Variants in SLC20A2 observed in about 807,000 individuals in gnomAD.
SLC20A2 encodes the protein solute carrier family 20 member 2, also known as sodium-dependent phosphate transporter 2.
A neutral mutation model predicts 61.0 loss-of-function variants in SLC20A2; 30 were observed. The observed-to-expected ratio is 0.49, with a 90% CI of 0.37 to 0.67. The LOEUF (loss-of-function observed/expected upper bound fraction) is 0.67, where lower values mean the gene tolerates loss of function less well. SLC20A2 is among the 30% of genes least tolerant of loss of function. SLC20A2 has a pLI of 0.00. For synonymous variants in SLC20A2, 351 were observed against 353.3 expected, an observed-to-expected ratio of 0.99 and a Z score of 0.07; for missense variants, 626 against 866.4, an observed-to-expected ratio of 0.72 and a Z score of 3.48.
At chr8:42,497,714 GTT>G (rs35618027) in intron 1 of SLC20A2, among the ~76,000 whole-genome samples, 7 of 135,522 alleles carry the variant, frequency 5.2e-5, no homozygotes, top group Admixed American at 7.4e-5. Context: ...CCCTCAATTG[GTT>G]TTTTTTTTTT....
chr8:42,437,572 C>T lies in SLC20A2; in HGVS notation c.940G>A (p.Ala314Thr). 2 of 1,589,064 alleles carry T rather than the reference C, an allele frequency of 1.3e-6. No homozygotes were observed. Among genetic ancestry groups the T allele is most frequent in the African/African-American group, 1.4e-5 (1 of 73,536 alleles). Reference sequence around the variant, plus strand: ...ACAGAGCCATGGGTCATGGACAGTGCTCTTCCTGAAAAGGGTTAGAGAAGG... The same window carrying T: ...ACAGAGCCATGGGTCATGGACAGTGTTCTTCCTGAAAAGGGTTAGAGAAGG... The part of the protein sequence containing the change: ...GSHPRAAYGR[A>T]LSMTHGSVKS... The change falls in exon 8 of 11, where the codon GCA (alanine) becomes ACA (threonine). Residue 314 changes from alanine to threonine, a missense_variant. Physicochemically the swap from Ala to Thr is moderately conservative, Grantham distance 58 (BLOSUM62 0). Transcript: ENST00000520262. The surrounding 1 kb of genome is among the most constrained non-coding windows in gnomAD (Gnocchi z 6.4).
At position 42,430,397 on chromosome 8, in the gene SLC20A2, C is replaced by T. The variant is rs561501114; in HGVS notation, c.1524-148G>A. 9 of 729,392 alleles carry T rather than the reference C, an allele frequency of 1.2e-5. No homozygotes were observed. In the South Asian group the frequency reaches 1.6e-4, roughly 13 times the overall value. 45.2% of individuals were successfully genotyped at this position (729,392 alleles called of 1,614,324 possible). ...TTTTTTTTTGAGACAGAGTCTTGCT[C>T]TGTTGCCCAGGCTTGAGTGCAGTGG... On this transcript the variant is annotated intron_variant, in intron 8 of 10. Transcript: ENST00000520262.
At chr8:42,427,784 A>G (rs1803524643) in intron 10 of SLC20A2, among the ~76,000 whole-genome samples, 1 of 152,200 alleles carries the variant, frequency 6.6e-6, no homozygotes. Flanking sequence ...TCTTTTAAAC[A>G]TACTGGCTGG....
intron 8 of SLC20A2, among the ~76,000 whole-genome samples, chr8:42,436,579 T>C (rs952123949): frequency 6.6e-5 from 10 of 152,276 alleles, no homozygotes; most frequent in Middle Eastern, 3.4e-3. Context: ...CCTTCCTTCC[T>C]GTGTCCATCG....
intron 1 of SLC20A2, among the ~76,000 whole-genome samples, chr8:42,494,827 T>C (rs1409588430): frequency 6.6e-6 from 1 of 152,104 alleles, no homozygotes; most frequent in Non-Finnish European, 1.5e-5. Flanking sequence ...GAGACAAAGT[T>C]TATTCCAAAC....
chr8:42,519,800 C>A (rs1163686130), intron 1 of SLC20A2, among the ~76,000 whole-genome samples: 4 of 152,052 alleles, frequency 2.6e-5, no homozygotes, highest in African/African-American at 7.2e-5. Flanking sequence ...AGTTAGAAGC[C>A]CCTCACATGT....
At chr8:42,506,989 T>G (rs1810749281) in intron 1 of SLC20A2, among the ~76,000 whole-genome samples, 1 of 152,150 alleles carries the variant, frequency 6.6e-6, no homozygotes, top group East Asian at 1.9e-4. Flanking sequence ...GGAGTGGGGA[T>G]GCACCATCAC....
chr8:42,495,462 A>G (rs1305993828), intron 1 of SLC20A2, among the ~76,000 whole-genome samples: 3 of 152,210 alleles, frequency 2.0e-5, no homozygotes, highest in Non-Finnish European at 2.9e-5. Flanking sequence ...CGTCGATCTT[A>G]TCTCTGTACA....
intron 10 of SLC20A2, among the ~76,000 whole-genome samples, chr8:42,422,606 A>T (rs567339985): frequency 6.6e-6 from 1 of 152,214 alleles, no homozygotes; most frequent in East Asian, 1.9e-4. Context: ...TCCTCTAGTC[A>T]GCAGTATCCT....
intron 1 of SLC20A2, among the ~76,000 whole-genome samples, chr8:42,511,236 AATTTTCCAAG>A (rs1375991245): frequency 1.3e-5 from 2 of 152,186 alleles, no homozygotes; most frequent in East Asian, 3.9e-4. Flanking sequence ...ACTTGATACC[AATTTTCCAAG>A]AGACGTGGAA....
chr8:42,529,183 G>C (rs1293826645), intron 1 of SLC20A2, among the ~76,000 whole-genome samples: 3 of 151,976 alleles, frequency 2.0e-5, no homozygotes, highest in Admixed American at 2.0e-4. Flanking sequence ...TAACTAGGCT[G>C]CTCTTGAACT....
chr8:42,508,679 C>T (rs1810864089), intron 1 of SLC20A2, among the ~76,000 whole-genome samples: 1 of 152,192 alleles, frequency 6.6e-6, no homozygotes, highest in African/African-American at 2.4e-5. Context: ...GCGTGAGCCA[C>T]CACACCCGGC....
chr8:42,460,038 G>T, intron 4 of SLC20A2, 46 bp from the exon 5 acceptor site: 1 of 1,071,042 alleles, frequency 9.3e-7, no homozygotes, highest in Non-Finnish European at 1.4e-6. Flanking sequence ...GATCCCAGCA[G>T]CATTTGGAGC....
chr8:42,499,389 CCTT>C (rs1554571139), intron 1 of SLC20A2, among the ~76,000 whole-genome samples: 1 of 152,162 alleles, frequency 6.6e-6, no homozygotes, highest in Non-Finnish European at 1.5e-5. Flanking sequence ...ATAATGAAAA[CCTT>C]CTCCGCTCTC....
intron 1 of SLC20A2, chr8:42,541,519 A>AG (rs1441256528): frequency 2.1e-5 from 1 of 48,770 alleles, no homozygotes; most frequent in East Asian, 6.8e-4. Flanking sequence ...AGGGGAAAGG[A>AG]AAAAAAAAAA....
At chr8:42,471,433 C>CTT (rs1362245340) in intron 2 of SLC20A2, among the ~76,000 whole-genome samples, 1 of 152,160 alleles carries the variant, frequency 6.6e-6, no homozygotes, top group Admixed American at 6.5e-5. Context: ...AAAGGTCATG[C>CTT]TATCACCAGG....
chr8:42,540,487 T>C (rs1379265656), intron 1 of SLC20A2, among the ~76,000 whole-genome samples: 1 of 152,202 alleles, frequency 6.6e-6, no homozygotes, highest in African/African-American at 2.4e-5. Context: ...CTAAATGTTA[T>C]AGAATTATAT....
In SLC20A2 at chr8:42,522,419, G is replaced by A. The variant is rs1435117005; in HGVS notation, c.-265+19402C>T. Among the ~76,000 whole-genome samples the A allele has an allele frequency of 2.5e-5, 3 of 121,818 alleles. 1 individual carries two copies. The highest frequency in any genetic ancestry group is 4.0e-5 in the Non-Finnish European group (2 of 50,502). 79.9% of individuals were successfully genotyped at this position (121,818 alleles called of 152,430 possible). A position where few individuals can be genotyped will look rare whatever the true frequency, so the allele number is the denominator to read the frequency against. On this transcript the variant is annotated intron_variant, in intron 1 of 10. Transcript: ENST00000342228. ...CTACTGGCCAGGCATGGTGGCTCACGCCTGTAATCCTACCACTTTGGGGGG... is the reference window on the plus strand; with the variant it reads ...CTACTGGCCAGGCATGGTGGCTCACACCTGTAATCCTACCACTTTGGGGGG...
At chr8:42,460,693 C>T (rs1037049557) in intron 4 of SLC20A2, among the ~76,000 whole-genome samples, 3 of 152,136 alleles carry the variant, frequency 2.0e-5, no homozygotes, top group East Asian at 3.9e-4. Flanking sequence ...AAGTTCAACA[C>T]GAATGGTACT....
Sources: allele counts gnomAD v4.1 joint callset (sites outside exome capture counted in the v4.1 genomes callset), GRCh38; gene constraint gnomAD v4.1.1; non-coding constraint Gnocchi (gnomAD v3.1); transcripts MANE v1.5; gene names NCBI Gene and HGNC (gene_info 2026-07-23, HGNC 2026-07-21).